The following CDH12 variants were observed in gnomAD, a reference collection of about 807,000 sequenced individuals.
CDH12 encodes cadherin 12, also known as cadherin-12.
A neutral mutation model predicts 74.1 loss-of-function variants in CDH12; 41 were observed. That is an observed-to-expected ratio of 0.55 (90% CI 0.43 to 0.72). The LOEUF (loss-of-function observed/expected upper bound fraction) is 0.72, where lower values mean the gene tolerates loss of function less well. Among genes scored for constraint, CDH12 ranks in the 30% least tolerant of loss-of-function variants. The pLI, the probability that CDH12 is intolerant of heterozygous loss-of-function variation, is 0.00. For missense variants in CDH12, 945 were observed against 977.2 expected (o/e 0.97, Z 0.44); for synonymous variants, 399 against 355.0 (o/e 1.12, Z -1.39).
At chr5:22,348,618 T>G (rs1428630685) in intron 3 of CDH12, among the ~76,000 whole-genome samples, 2 of 152,170 alleles carry the variant, frequency 1.3e-5, no homozygotes, top group East Asian at 3.8e-4. Context: ...AGCAAGCATA[T>G]TTGAATAAAA....
chr5:22,685,289 G>A (rs1741707246), intron 1 of CDH12, among the ~76,000 whole-genome samples: 1 of 152,018 alleles, frequency 6.6e-6, no homozygotes, highest in South Asian at 2.1e-4. Context: ...CCAGTCTGGA[G>A]TTCAGTGGTG....
intron 5 of CDH12, among the ~76,000 whole-genome samples, chr5:22,064,781 C>T (rs1032839142): frequency 1.3e-5 from 2 of 152,092 alleles, no homozygotes; most frequent in African/African-American, 4.8e-5. Context: ...AGCTCAAGTA[C>T]CACGTAAGTC....
At chr5:22,490,226 G>A (rs947082710) in intron 2 of CDH12, among the ~76,000 whole-genome samples, 1 of 152,006 alleles carries the variant, frequency 6.6e-6, no homozygotes, top group Admixed American at 6.6e-5. Flanking sequence ...ATCACTCACA[G>A]GAAAAACACA....
intron 4 of CDH12, chr5:22,151,989 G>C (rs1289110248): frequency 6.6e-6 from 1 of 151,946 alleles, no homozygotes; most frequent in African/African-American, 2.4e-5. Context: ...TCCGTTCTCG[G>C]GGGAAAGGTA....
At chr5:22,530,826 A>C (rs1195680768) in intron 1 of CDH12, among the ~76,000 whole-genome samples, 1 of 152,120 alleles carries the variant, frequency 6.6e-6, no homozygotes, top group Non-Finnish European at 1.5e-5. Context: ...ATAAATTAGC[A>C]TATTTCCTCA....
chr5:22,816,985 T>C (rs904087228), intron 1 of CDH12, among the ~76,000 whole-genome samples: 15 of 152,170 alleles, frequency 9.9e-5, no homozygotes, highest in Admixed American at 3.9e-4. Context: ...ACATTACTAC[T>C]TAGAACAGCA....
chr5:21,901,891 T>C (rs971688562), intron 6 of CDH12, among the ~76,000 whole-genome samples: 1 of 147,182 alleles, frequency 6.8e-6, no homozygotes, highest in African/African-American at 2.4e-5. Context: ...TATAATTTGC[T>C]GTGTTATAAT....
chr5:21,921,360 G>T (rs1036598150), intron 6 of CDH12, among the ~76,000 whole-genome samples: 1 of 152,104 alleles, frequency 6.6e-6, no homozygotes, highest in Non-Finnish European at 1.5e-5. Context: ...TTCTCCATCT[G>T]GTCCTGAAAC....
intron 3 of CDH12, among the ~76,000 whole-genome samples, chr5:22,358,173 C>A (rs183678845): frequency 7.4e-4 from 112 of 152,180 alleles, no homozygotes; most frequent in African/African-American, 2.6e-3. Context: ...CTTTGGGAGG[C>A]CAAGGCAGGT....
intron 2 of CDH12, among the ~76,000 whole-genome samples, chr5:22,472,271 C>T (rs1457987507): frequency 2.6e-5 from 4 of 152,072 alleles, no homozygotes; most frequent in African/African-American, 9.7e-5. Context: ...AGAAGCCTGA[C>T]TAAACTTTAG....
At chr5:22,111,556 A>T (rs185498610) in intron 4 of CDH12, among the ~76,000 whole-genome samples, 582 of 152,300 alleles carry the variant, frequency 3.8e-3, no homozygotes, top group Non-Finnish European at 6.5e-3. Context: ...TGCCCACTTG[A>T]ATATTCCCTG....
intron 4 of CDH12, among the ~76,000 whole-genome samples, chr5:22,133,499 C>T (rs192619780): frequency 6.6e-6 from 1 of 152,158 alleles, no homozygotes; most frequent in Admixed American, 6.5e-5. Context: ...AACTTAGACT[C>T]ATATTTGTAA....
chr5:22,474,527 T>G (rs1157917527), intron 2 of CDH12, among the ~76,000 whole-genome samples: 1 of 152,154 alleles, frequency 6.6e-6, no homozygotes, highest in Admixed American at 6.5e-5. Context: ...TTGTTAACAT[T>G]AGAGTAAATC....
intron 1 of CDH12, among the ~76,000 whole-genome samples, chr5:22,512,796 C>T (rs1049023908): frequency 6.6e-6 from 1 of 152,118 alleles, no homozygotes; most frequent in African/African-American, 2.4e-5. Flanking sequence ...GGAGTGGTGG[C>T]TCACACCTGT....
chr5:22,378,331 C>G (rs948649681), intron 3 of CDH12, among the ~76,000 whole-genome samples: 6 of 151,932 alleles, frequency 3.9e-5, no homozygotes, highest in African/African-American at 1.5e-4. Context: ...CTACAGGCTG[C>G]CAAAAACTAT....
Position 22,097,633 on chromosome 5 carries a change from G to A in CDH12, c.-186-18771C>T, listed in dbSNP as rs997815908. 3.3e-5 allele frequency among the ~76,000 whole-genome samples: 5 copies of A among 152,002 alleles called. No individual in the cohort carries two copies. The East Asian group carries it at 7.8e-4, about 24-fold the overall frequency. On this transcript the variant is annotated intron_variant, in intron 4 of 14. Transcript: ENST00000382254. ...CTTTAACTAAATTGTCTGCTTCCCT[G>A]ACTGTTCTTGGGCTACAGCCACACC...
intron 3 of CDH12, among the ~76,000 whole-genome samples, chr5:22,325,593 A>G (rs1382321300): frequency 6.6e-6 from 1 of 152,122 alleles, no homozygotes; most frequent in African/African-American, 2.4e-5. Flanking sequence ...ATGTAAAAAC[A>G]AAGGTAATAA....
chr5:22,559,097 A>G (rs369405498), intron 1 of CDH12, among the ~76,000 whole-genome samples: 2 of 152,118 alleles, frequency 1.3e-5, no homozygotes, highest in South Asian at 4.2e-4. Context: ...GGATGCTAGA[A>G]AACTAGTTGT....
intron 3 of CDH12, among the ~76,000 whole-genome samples, chr5:22,352,064 A>C (rs1161959335): frequency 6.6e-6 from 1 of 151,980 alleles, no homozygotes; most frequent in Non-Finnish European, 1.5e-5. Context: ...TAGAAATCAA[A>C]ATTATTACAA....
Sources: gnomAD v4.1 joint callset for allele counts (sites outside exome capture counted in the v4.1 genomes callset) on GRCh38, gnomAD v4.1.1 for gene constraint, MANE v1.5 for transcripts, NCBI Gene and HGNC (gene_info 2026-07-23, HGNC 2026-07-21) for gene names.